Variants in DRC8 observed in about 807,000 individuals in gnomAD.
DRC8 encodes dynein regulatory complex subunit 8, also known as dynein regulatory complex protein 8.
the DRC8 span, among the ~76,000 whole-genome samples, chr1:245,014,251 TAGGGTTA>T: frequency 6.6e-6 from 1 of 152,088 alleles, no homozygotes; most frequent in East Asian, 1.9e-4. Context: ...AACTTCGACA[TAGGGTTA>T]AGTCTTTATT....
At chr1:245,024,040 G>A in the DRC8 span, among the ~76,000 whole-genome samples, 1 of 152,006 alleles carries the variant, frequency 6.6e-6, no homozygotes, top group Admixed American at 6.6e-5. Flanking sequence ...CATGATGGCG[G>A]GTGCCTGTAA....
At chr1:245,031,252 T>C in the DRC8 span, among the ~76,000 whole-genome samples, 1 of 151,848 alleles carries the variant, frequency 6.6e-6, no homozygotes, top group Non-Finnish European at 1.5e-5. Context: ...GTGGTGGAGA[T>C]TGCATAGTCT....
the DRC8 span, among the ~76,000 whole-genome samples, chr1:244,996,881 G>A: frequency 2.1e-3 from 326 of 152,268 alleles, no homozygotes; most frequent in Non-Finnish European, 4.0e-3. Context: ...ATGTGGCGGG[G>A]ATAGGCTCCA....
the DRC8 span, among the ~76,000 whole-genome samples, chr1:245,086,050 C>CT: frequency 6.6e-6 from 1 of 152,186 alleles, no homozygotes; most frequent in Non-Finnish European, 1.5e-5. Flanking sequence ...ACGTGGTTTA[C>CT]TTGGAGGTGC....
At chr1:245,047,261 T>C in the DRC8 span, among the ~76,000 whole-genome samples, 2 of 152,338 alleles carry the variant, frequency 1.3e-5, no homozygotes, top group South Asian at 2.1e-4. Context: ...AACATAAATG[T>C]CAATTAACAC....
the DRC8 span, among the ~76,000 whole-genome samples, chr1:244,994,579 G>A: frequency 6.6e-6 from 1 of 152,090 alleles, no homozygotes; most frequent in African/African-American, 2.4e-5. Flanking sequence ...ATAGGTGCAT[G>A]CCACCATGCC....
chr1:245,009,085 G>C, the DRC8 span, among the ~76,000 whole-genome samples: 1 of 134,978 alleles, frequency 7.4e-6, no homozygotes, highest in Non-Finnish European at 1.5e-5. Context: ...ACCCGGGCTG[G>C]AGTGCAGTGG....
At chr1:245,044,025 A>G in the DRC8 span, 1 of 152,238 alleles carries the variant, frequency 6.6e-6, no homozygotes, top group African/African-American at 2.4e-5. Context: ...GAAGCGTTCC[A>G]TATTTTTTCA....
chr1:245,050,389 C>T, the DRC8 span, among the ~76,000 whole-genome samples: 7,872 of 152,204 alleles, frequency 0.052, 295 homozygotes, highest in Non-Finnish European at 0.079. Flanking sequence ...CGTGACCCAC[C>T]GCGCCCAGCC....
At chr1:245,030,319 A>C in the DRC8 span, among the ~76,000 whole-genome samples, 6 of 152,222 alleles carry the variant, frequency 3.9e-5, no homozygotes, top group Non-Finnish European at 8.8e-5. Flanking sequence ...AAGTTTTCTC[A>C]GTTCGAGCAA....
At chr1:245,028,132 T>G in the DRC8 span, among the ~76,000 whole-genome samples, 1 of 152,180 alleles carries the variant, frequency 6.6e-6, no homozygotes, top group African/African-American at 2.4e-5. Flanking sequence ...TCAAGCAATC[T>G]GCCTGCTCAG....
the DRC8 span, among the ~76,000 whole-genome samples, chr1:245,010,784 C>T: frequency 1.3e-4 from 20 of 151,276 alleles, no homozygotes; most frequent in East Asian, 3.9e-3. Flanking sequence ...CGGGTTCACG[C>T]CATTCTCCTG....
chr1:245,002,540 T>G, the DRC8 span, among the ~76,000 whole-genome samples: 1 of 152,188 alleles, frequency 6.6e-6, no homozygotes, highest in African/African-American at 2.4e-5. Context: ...CTTTTCTTTC[T>G]TTCCAACATG....
the DRC8 span, among the ~76,000 whole-genome samples, chr1:244,992,242 A>G: frequency 1.7e-4 from 26 of 152,350 alleles, no homozygotes; most frequent in East Asian, 9.6e-4. Context: ...CATTTCCCTT[A>G]AAGTATAGAC....
At chr1:245,095,541 T>C in the DRC8 span, among the ~76,000 whole-genome samples, 1 of 152,134 alleles carries the variant, frequency 6.6e-6, no homozygotes, top group South Asian at 2.1e-4. Flanking sequence ...AATTAATTAA[T>C]TAATTTAGAG....
chr1:245,121,988 T>C, the DRC8 span: 2 of 388,904 alleles, frequency 5.1e-6, no homozygotes, highest in South Asian at 2.0e-5. Context: ...AACCTCCACC[T>C]CCCGGGTTCA....
chr1:245,006,975 C>A, the DRC8 span, among the ~76,000 whole-genome samples: 2 of 151,532 alleles, frequency 1.3e-5, no homozygotes, highest in African/African-American at 4.8e-5. Flanking sequence ...CAACAAAAAA[C>A]CCCAGAAAGG....
the DRC8 span, among the ~76,000 whole-genome samples, chr1:245,047,283 G>A: frequency 1.3e-5 from 2 of 152,176 alleles, no homozygotes; most frequent in East Asian, 1.9e-4. Context: ...TATTTTATAT[G>A]TTATATGGAT....
the DRC8 span, among the ~76,000 whole-genome samples, chr1:245,051,605 G>T: frequency 6.6e-6 from 1 of 152,162 alleles, no homozygotes; most frequent in Non-Finnish European, 1.5e-5. Context: ...GGTGGATGTT[G>T]CGAAATGAAG....
Sources: gnomAD v4.1 joint callset for allele counts (sites outside exome capture counted in the v4.1 genomes callset) on GRCh38, gnomAD v4.1.1 for gene constraint, MANE v1.5 for transcripts, NCBI Gene and HGNC (gene_info 2026-07-23, HGNC 2026-07-21) for gene names.